The following PSIP1 variants were observed in gnomAD, a reference collection of about 807,000 sequenced individuals.
The protein encoded by PSIP1 is PC4 and SRSF1 interacting protein 1.
Under a neutral mutation model 74.7 loss-of-function variants are expected in PSIP1, and 19 were observed. The observed-to-expected ratio is 0.25, with a 90% CI of 0.18 to 0.37. PSIP1 has a LOEUF of 0.37. Ranked by LOEUF, PSIP1 falls within the 10% of genes least tolerant of loss-of-function variation. The pLI is 1.00. For synonymous variants in PSIP1, 222 were observed against 195.3 expected (o/e 1.14, Z -1.14); for missense variants, 601 against 614.3 (o/e 0.98, Z 0.23).
At chr9:15,472,193 G>A in intron 10 of PSIP1, 1 of 987,050 alleles carries the variant, frequency 1.0e-6, no homozygotes, top group Non-Finnish European at 1.2e-6. Flanking sequence ...TGGCTTCCTG[G>A]GTTTCCAAAT....
intron 6 of PSIP1, among the ~76,000 whole-genome samples, chr9:15,480,111 AG>A (rs2036270951): frequency 6.6e-6 from 1 of 152,206 alleles, no homozygotes; most frequent in South Asian, 2.1e-4. Context: ...TTACTACAAC[AG>A]AGAGTAAGGA....
chr9:15,508,483 T>C (rs1222193816), intron 2 of PSIP1, among the ~76,000 whole-genome samples: 1 of 152,242 alleles, frequency 6.6e-6, no homozygotes, highest in East Asian at 1.9e-4. Context: ...CCCTATTTTA[T>C]TTTCAGTAGC....
At chr9:15,471,416 ATAAAGATAACT>A in intron 10 of PSIP1, 1 of 1,479,388 alleles carries the variant, frequency 6.8e-7, no homozygotes, top group South Asian at 1.3e-5. Context: ...ACTGAAATAC[ATAAAGATAACT>A]TTAAGATACT....
At chr9:15,473,916 A>AAAAAAAAAAAC (rs775298108) in intron 9 of PSIP1, 93 bp downstream of exon 9, 9 of 679,382 alleles carry the variant, frequency 1.3e-5, no homozygotes, top group East Asian at 4.3e-5. Context: ...AAAAAAAAAC[A>AAAAAAAAAAAC]AAAAAAAAAA....
intron 3 of PSIP1, among the ~76,000 whole-genome samples, chr9:15,502,072 C>A (rs563665144): frequency 6.6e-6 from 1 of 152,150 alleles, no homozygotes; most frequent in African/African-American, 2.4e-5. Context: ...TGCAAGGGAT[C>A]TAGTCTGAGT....
At chr9:15,498,170 C>T (rs557096856) in intron 3 of PSIP1, among the ~76,000 whole-genome samples, 1 of 152,296 alleles carries the variant, frequency 6.6e-6, no homozygotes, top group African/African-American at 2.4e-5. Flanking sequence ...AGCCCCAGCA[C>T]TTTGGGAGGC....
chr9:15,506,407 G>A lies in PSIP1; in HGVS notation c.149+154C>T, dbSNP rs183086468. Reference sequence around the variant, plus strand: ...AAATAAACCTATAGCATCTGTAAACGCTACCTTAAAAATAGAGACTTAAAG... The same window carrying A: ...AAATAAACCTATAGCATCTGTAAACACTACCTTAAAAATAGAGACTTAAAG... On this transcript the variant is annotated intron_variant, in intron 3 of 15. Transcript: ENST00000380733. 283 of 494,634 alleles carry A rather than the reference G, an allele frequency of 5.7e-4. 1 individual carries two copies. The highest frequency in any genetic ancestry group is 4.6e-3 in the African/African-American group (239 of 52,462). 30.6% of individuals were successfully genotyped at this position (494,634 alleles called of 1,614,324 possible).
At chr9:15,484,309 T>TAC (rs2036466314) in intron 6 of PSIP1, among the ~76,000 whole-genome samples, 4 of 148,594 alleles carry the variant, frequency 2.7e-5, no homozygotes, top group Admixed American at 2.0e-4. Context: ...AAAAAATATA[T>TAC]ATATATAGGC....
intron 9 of PSIP1, among the ~76,000 whole-genome samples, chr9:15,473,172 A>C (rs2035916311): frequency 1.3e-5 from 2 of 152,230 alleles, no homozygotes; most frequent in South Asian, 4.1e-4. Flanking sequence ...CTAAGGCTAT[A>C]CACAAAATTT....
At chr9:15,478,407 C>T (rs897289049) in intron 8 of PSIP1, 70 bp downstream of exon 8, 1 of 1,100,664 alleles carries the variant, frequency 9.1e-7, no homozygotes, top group South Asian at 1.6e-5. Flanking sequence ...GATAAAATCG[C>T]AGAGATATGT....
At chr9:15,468,165 G>A (rs1026953331) in intron 14 of PSIP1, among the ~76,000 whole-genome samples, 1 of 150,712 alleles carries the variant, frequency 6.6e-6, no homozygotes, top group Non-Finnish European at 1.5e-5. Flanking sequence ...ATACTGTGAA[G>A]TCTGTTCAGG....
At chr9:15,500,318 A>T (rs1178367130) in intron 3 of PSIP1, among the ~76,000 whole-genome samples, 1 of 151,968 alleles carries the variant, frequency 6.6e-6, no homozygotes, top group Non-Finnish European at 1.5e-5. Flanking sequence ...ACAAAAAATC[A>T]GCTGGGTGTG....
intron 3 of PSIP1, among the ~76,000 whole-genome samples, chr9:15,501,566 G>A (rs980307248): frequency 3.9e-5 from 6 of 152,056 alleles, no homozygotes; most frequent in South Asian, 2.1e-4. Flanking sequence ...AAAAAGCGGT[G>A]AAAAATGTAA....
At chr9:15,467,445 T>C (rs12684388) in intron 14 of PSIP1, among the ~76,000 whole-genome samples, 1 of 152,192 alleles carries the variant, frequency 6.6e-6, no homozygotes, top group Non-Finnish European at 1.5e-5. Flanking sequence ...CAGCTGCCAC[T>C]AAGATGTTTA....
intron 14 of PSIP1, chr9:15,468,424 G>A (rs1234936475): frequency 4.0e-6 from 3 of 758,646 alleles, no homozygotes; most frequent in African/African-American, 1.7e-5. Flanking sequence ...TGCCTTAGAA[G>A]TCGAATATAA....
At chr9:15,489,149 A>C (rs2737837) in intron 4 of PSIP1, 137,586 of 152,154 alleles carry the variant, frequency 0.9, 62,431 homozygotes, top group African/African-American at 0.94. Flanking sequence ...AATTTACTAT[A>C]ACATATAAAT....
chr9:15,473,918 A>AG lies in PSIP1; in HGVS notation c.858+90_858+91insC, dbSNP rs1272647669. 5.9e-6 allele frequency: 5 copies of AG among 853,280 alleles called. No homozygotes were observed. The African/African-American group carries it at 1.1e-4, about 18-fold the overall frequency. 52.9% of individuals were successfully genotyped at this position (853,280 alleles called of 1,614,324 possible). ...TCCATCTCAAACAAAAAAAAAACAA[A>AG]AAAAAAAACAAAAAAAAAACAAAGA... On this transcript the variant is annotated intron_variant, in intron 9 of 15. Coordinates refer to ENST00000380733, the MANE Select transcript of PSIP1 (RefSeq NM_033222.5).
At chr9:15,472,487 C>A (rs371198061) in intron 10 of PSIP1, 145 bp downstream of exon 10, 2 of 1,416,346 alleles carry the variant, frequency 1.4e-6, no homozygotes, top group Non-Finnish European at 1.8e-6. Flanking sequence ...AGATCATCAT[C>A]ATATATTGAA....
At chr9:15,476,671 C>CA (rs1161069711) in intron 8 of PSIP1, among the ~76,000 whole-genome samples, 3 of 152,248 alleles carry the variant, frequency 2.0e-5, no homozygotes, top group East Asian at 1.9e-4. Context: ...CCTATAAACT[C>CA]AAAGTATCTG....
Sources: allele counts gnomAD v4.1 joint callset (sites outside exome capture counted in the v4.1 genomes callset), GRCh38; gene constraint gnomAD v4.1.1; transcripts MANE v1.5; gene names NCBI Gene and HGNC (gene_info 2026-07-23, HGNC 2026-07-21).